The following CAPZA1 variants were observed in gnomAD, a reference collection of about 807,000 sequenced individuals.
CAPZA1 encodes F-actin-capping protein subunit alpha-1.
CAPZA1 carries 10 observed loss-of-function variants against 40.8 expected under a neutral mutation model. The ratio of observed to expected loss-of-function variants is 0.25; its 90% CI spans 0.15 to 0.42. The LOEUF (loss-of-function observed/expected upper bound fraction) is 0.42. Ranked by LOEUF, CAPZA1 falls within the 10% of genes least tolerant of loss-of-function variation. The pLI, the probability that CAPZA1 is intolerant of heterozygous loss-of-function variation, is 1.00. For missense variants in CAPZA1, 277 were observed against 353.8 expected, an observed-to-expected ratio of 0.78 and a Z score of 1.74; for synonymous variants, 98 against 115.0, an observed-to-expected ratio of 0.85 and a Z score of 0.95.
intron 1 of CAPZA1, among the ~76,000 whole-genome samples, chr1:112,643,138 A>G (rs534011947): frequency 1.3e-5 from 2 of 152,326 alleles, no homozygotes; most frequent in East Asian, 3.8e-4. Flanking sequence ...CTGATTTTTT[A>G]AATAAGAGAT....
chr1:112,643,218 CTT>C (rs1671211874), intron 1 of CAPZA1, among the ~76,000 whole-genome samples: 1 of 152,090 alleles, frequency 6.6e-6, no homozygotes, highest in Non-Finnish European at 1.5e-5. Flanking sequence ...AGATAGAAAT[CTT>C]TATTGTAACG....
chr1:112,635,947 T>G (rs1230302542), intron 1 of CAPZA1, among the ~76,000 whole-genome samples: 2 of 152,166 alleles, frequency 1.3e-5, no homozygotes, highest in African/African-American at 4.8e-5. Flanking sequence ...GAGAATTGCT[T>G]GAACCCGGGA....
intron 7 of CAPZA1, among the ~76,000 whole-genome samples, chr1:112,660,482 G>A (rs1174301689): frequency 1.3e-5 from 2 of 151,946 alleles, no homozygotes; most frequent in African/African-American, 4.8e-5. Flanking sequence ...GTTTCTCCAT[G>A]TTGGTTAGGC....
chr1:112,640,823 G>T (rs553716159), intron 1 of CAPZA1, among the ~76,000 whole-genome samples: 12 of 152,350 alleles, frequency 7.9e-5, no homozygotes, highest in Non-Finnish European at 1.8e-4. Flanking sequence ...GATGGTTGCC[G>T]TGTCTGTGTA....
chr1:112,669,589 C>G lies in CAPZA1; in HGVS notation c.704C>G (p.Ala235Gly). 6.2e-7 allele frequency: 1 copy of G among 1,604,568 alleles called. No homozygotes were observed. Among genetic ancestry groups the G allele is most frequent in the Non-Finnish European group, 8.5e-7 (1 of 1,172,114 alleles). Residue 235 changes from alanine to glycine, a missense_variant, in exon 9 of 10, where the codon GCA (alanine) becomes GGA (glycine). Physicochemically the swap from Ala to Gly is moderately conservative, Grantham distance 60. Around this residue, in one of 2 missense-constraint regions of CAPZA1, gnomAD observed 192 missense variants for 277.2 expected, o/e 0.69. Transcript: ENST00000263168. ...GAGTTTATTAAAATCATAGAGAATG[C>G]AGAAAATGAGTATCAGGTAAGAAGA... ...AKEFIKIIENAENEYQTAISE... is the reference protein window; with the variant it reads ...AKEFIKIIENGENEYQTAISE...
At chr1:112,639,910 A>G (rs1167068541) in intron 1 of CAPZA1, among the ~76,000 whole-genome samples, 1 of 114,090 alleles carries the variant, frequency 8.8e-6, no homozygotes, top group African/African-American at 3.2e-5. Context: ...TCCGGGAGGG[A>G]GGTGGGGGGG....
rs766268171 is a variant in CAPZA1, at chr1:112,649,419, C to T, written c.105C>T (p.Asp35=). The T allele has an allele frequency of 6.8e-6, 11 of 1,611,400 alleles. No individual in the cohort carries two copies. The highest frequency in any genetic ancestry group is 6.6e-5 in the South Asian group (6 of 90,960). The stretch of plus-strand genomic sequence containing the variant: ...CATTGTAACATTTTTCCTCCTCAGA[C>T]GTTCGGCTACTACTTAATAATGACA... The part of the protein sequence containing the change: ...PPGEFNEVFN[D]VRLLLNNDNL... The change falls in exon 3 of 10, where the codon GAC becomes GAT. Residue 35 remains aspartate (D), a splice_region_variant and synonymous_variant. Transcript: ENST00000263168.
chr1:112,655,500 CCAA>C (rs1207231245), intron 5 of CAPZA1, among the ~76,000 whole-genome samples: 3 of 151,696 alleles, frequency 2.0e-5, no homozygotes, highest in African/African-American at 4.9e-5. Context: ...ACAAAAAAAA[CCAA>C]ACAATTTTTT....
At chr1:112,659,269 T>G in intron 6 of CAPZA1, 168 bp downstream of exon 6, 1 of 591,684 alleles carries the variant, frequency 1.7e-6, no homozygotes. Context: ...ATAATTATAT[T>G]TTCCTTTAAA....
chr1:112,656,133 T>G (rs1413329253), intron 5 of CAPZA1, among the ~76,000 whole-genome samples: 2 of 152,196 alleles, frequency 1.3e-5, no homozygotes, highest in African/African-American at 4.8e-5. Context: ...ATTTTAAATA[T>G]ACAATGATGA....
chr1:112,623,546 T>C (rs944203149), intron 1 of CAPZA1, among the ~76,000 whole-genome samples: 4 of 151,852 alleles, frequency 2.6e-5, no homozygotes, highest in East Asian at 1.9e-4. Flanking sequence ...CTGGGCGCAG[T>C]GGCACATGCC....
At chr1:112,657,572 G>T (rs1671522787) in intron 5 of CAPZA1, among the ~76,000 whole-genome samples, 2 of 151,938 alleles carry the variant, frequency 1.3e-5, no homozygotes, top group African/African-American at 4.8e-5. Context: ...TTTTACTTAG[G>T]CTGCTGTCAG....
intron 1 of CAPZA1, among the ~76,000 whole-genome samples, chr1:112,626,966 T>G (rs1294469882): frequency 1.3e-5 from 2 of 152,250 alleles, no homozygotes. Flanking sequence ...TGTGGATTCT[T>G]TGTTTTACAT....
chr1:112,634,139 C>T (rs1392709908), intron 1 of CAPZA1, among the ~76,000 whole-genome samples: 1 of 152,092 alleles, frequency 6.6e-6, no homozygotes, highest in Non-Finnish European at 1.5e-5. Flanking sequence ...TAGGAAATAG[C>T]ATTGAATTCT....
At chr1:112,625,661 A>G (rs115915169) in intron 1 of CAPZA1, among the ~76,000 whole-genome samples, 110 of 152,292 alleles carry the variant, frequency 7.2e-4, no homozygotes, top group African/African-American at 2.6e-3. Context: ...AGACACCCCC[A>G]TAATCTTGCC....
At chr1:112,637,559 T>G (rs1671046292) in intron 1 of CAPZA1, among the ~76,000 whole-genome samples, 1 of 152,246 alleles carries the variant, frequency 6.6e-6, no homozygotes. Flanking sequence ...GTGATCCTCC[T>G]GCCTCAACCT....
Position 112,670,917 on chromosome 1 carries a change from T to G in CAPZA1, c.*785T>G, listed in dbSNP as rs1433118760. 6.5e-6 allele frequency: 1 copy of G among 152,678 alleles called. No individual in the cohort carries two copies. Among genetic ancestry groups the G allele is most frequent in the Non-Finnish European group, 1.5e-5 (1 of 68,046 alleles). The allele number at this position is 152,678 out of a possible 1,614,324, so 9.5% of individuals were successfully genotyped here. A position where few individuals can be genotyped will look rare whatever the true frequency, so the allele number is the denominator to read the frequency against. On this transcript the variant is annotated 3_prime_UTR_variant, in exon 10 of 10. Transcript: ENST00000263168. The stretch of plus-strand genomic sequence containing the variant: ...AAACATTCAAGAACTGCTGACGTAC[T>G]GTGGATGTAGAGTATAAAACTTGAA...
intron 1 of CAPZA1, among the ~76,000 whole-genome samples, chr1:112,642,080 G>A (rs1671179408): frequency 6.6e-6 from 1 of 151,288 alleles, no homozygotes; most frequent in Non-Finnish European, 1.5e-5. Context: ...CGTTCAGTTT[G>A]TTACCACATG....
At chr1:112,641,055 A>G (rs1023030083) in intron 1 of CAPZA1, among the ~76,000 whole-genome samples, 6 of 152,094 alleles carry the variant, frequency 3.9e-5, no homozygotes, top group Non-Finnish European at 8.8e-5. Context: ...CCACTCCCCA[A>G]TCTCAAGTAC....
Sources: allele counts gnomAD v4.1 joint callset (sites outside exome capture counted in the v4.1 genomes callset), GRCh38; gene constraint gnomAD v4.1.1; regional missense constraint gnomAD v4.1.1; transcripts MANE v1.5; gene names NCBI Gene and HGNC (gene_info 2026-07-23, HGNC 2026-07-21).